Variants in PHACTR3 observed in about 807,000 individuals in gnomAD.
The protein encoded by PHACTR3 is phosphatase and actin regulator 3.
A neutral mutation model predicts 66.8 loss-of-function variants in PHACTR3; 16 were observed. The ratio of observed to expected loss-of-function variants is 0.24; its 90% CI spans 0.16 to 0.36. The LOEUF is 0.36. Ranked by LOEUF, PHACTR3 falls within the 10% of genes least tolerant of loss-of-function variation. The pLI, the probability that PHACTR3 is intolerant of heterozygous loss-of-function variation, is 1.00. For missense variants in PHACTR3, 647 were observed against 719.9 expected, an observed-to-expected ratio of 0.90 and a Z score of 1.16; for synonymous variants, 323 against 292.1, an observed-to-expected ratio of 1.11 and a Z score of -1.08.
intron 1 of PHACTR3, among the ~76,000 whole-genome samples, chr20:59,667,295 A>G (rs552369633): frequency 4.6e-5 from 7 of 152,342 alleles, no homozygotes; most frequent in African/African-American, 1.2e-4. Flanking sequence ...GGCTGGCCCA[A>G]TGAGCTGTGG....
intron 1 of PHACTR3, among the ~76,000 whole-genome samples, chr20:59,694,829 G>A (rs776460076): frequency 1.3e-5 from 2 of 152,164 alleles, no homozygotes; most frequent in African/African-American, 2.4e-5. Flanking sequence ...AGGGGGAAAT[G>A]CTGTGGGTCC....
chr20:59,579,832 G>C (rs1277854742), intron 1 of PHACTR3, among the ~76,000 whole-genome samples: 1 of 152,172 alleles, frequency 6.6e-6, no homozygotes. Context: ...ATGCCCTGTA[G>C]GTTTGGGGTC....
intron 4 of PHACTR3, among the ~76,000 whole-genome samples, chr20:59,756,837 A>G (rs2039813180): frequency 6.6e-6 from 1 of 151,990 alleles, no homozygotes; most frequent in Non-Finnish European, 1.5e-5. Context: ...CCACCAAGCA[A>G]TGGCAACAAA....
At position 59,830,885 on chromosome 20, in the gene PHACTR3, G is replaced by A. The variant is rs2042348708; in HGVS notation, c.1329-5620G>A. ...GTGCTGGGGCACCAGTGCTGACTGT[G>A]GAATAGACAGTTGACAGCCTCCACA... On this transcript the variant is annotated intron_variant, in intron 8 of 12. Transcript: ENST00000371015. This position sits in a 1 kb window ranked among gnomAD's most constrained non-coding sequence, Gnocchi z 5.8. Among the ~76,000 whole-genome samples the A allele has an allele frequency of 6.6e-6, 1 of 152,142 alleles. No homozygotes were observed. The highest frequency in any genetic ancestry group is 2.1e-4 in the South Asian group (1 of 4,828).
chr20:59,822,900 T>G (rs953408944), intron 8 of PHACTR3, among the ~76,000 whole-genome samples: 2 of 151,028 alleles, frequency 1.3e-5, no homozygotes, highest in African/African-American at 4.9e-5. Context: ...CAGGGAGGAG[T>G]GCATGGGAGT....
intron 11 of PHACTR3, among the ~76,000 whole-genome samples, chr20:59,842,844 T>G (rs2059089123): frequency 6.6e-6 from 1 of 152,084 alleles, no homozygotes; most frequent in Admixed American, 6.6e-5. Flanking sequence ...TTCAGCAAAT[T>G]AATGAATGGA....
chr20:59,838,996 C>G (rs920725829), intron 9 of PHACTR3, among the ~76,000 whole-genome samples: 7 of 151,818 alleles, frequency 4.6e-5, no homozygotes, highest in Non-Finnish European at 1.0e-4. Context: ...CTCCAAAGAC[C>G]CTGCTGGTGA....
chr20:59,842,446 G>A (rs1186189825), intron 11 of PHACTR3, among the ~76,000 whole-genome samples: 1 of 152,182 alleles, frequency 6.6e-6, no homozygotes, highest in Non-Finnish European at 1.5e-5. Context: ...GATGTGCCCA[G>A]AGGATCACAG....
intron 1 of PHACTR3, among the ~76,000 whole-genome samples, chr20:59,692,383 G>A (rs538113659): frequency 2.4e-4 from 37 of 152,292 alleles, no homozygotes; most frequent in Middle Eastern, 6.8e-3. Flanking sequence ...CTTATAAATA[G>A]CCTCAGGCCA....
intron 7 of PHACTR3, among the ~76,000 whole-genome samples, chr20:59,776,236 T>G (rs2040531474): frequency 6.9e-6 from 1 of 144,568 alleles, no homozygotes; most frequent in Non-Finnish European, 1.5e-5. Flanking sequence ...AAGAAAGGTT[T>G]TATCCTCACA....
At chr20:59,834,471 C>T (rs1028091099) in intron 8 of PHACTR3, among the ~76,000 whole-genome samples, 4 of 152,200 alleles carry the variant, frequency 2.6e-5, no homozygotes, top group African/African-American at 9.7e-5. Flanking sequence ...ACTCCAATTT[C>T]CTGATGATTT....
chr20:59,782,968 G>A (rs745371747), intron 7 of PHACTR3, among the ~76,000 whole-genome samples: 4 of 152,164 alleles, frequency 2.6e-5, no homozygotes, highest in South Asian at 2.1e-4. Context: ...TGCAGGCTCC[G>A]GGATCCTTTC....
intron 5 of PHACTR3, among the ~76,000 whole-genome samples, chr20:59,768,413 T>C (rs2040254082): frequency 6.6e-6 from 1 of 152,224 alleles, no homozygotes; most frequent in Non-Finnish European, 1.5e-5. Flanking sequence ...AGGCACGAGG[T>C]GCCCCATTTA....
chr20:59,584,650 G>C (rs939275744), intron 1 of PHACTR3, among the ~76,000 whole-genome samples: 1 of 152,126 alleles, frequency 6.6e-6, no homozygotes, highest in Non-Finnish European at 1.5e-5. Flanking sequence ...AGAGGCTTAG[G>C]AGGTCCTCCA....
chr20:59,634,324 C>T (rs556446461), intron 1 of PHACTR3, among the ~76,000 whole-genome samples: 3 of 152,354 alleles, frequency 2.0e-5, no homozygotes, highest in Admixed American at 6.5e-5. Context: ...TCTCCAACTC[C>T]GTTCCCTCCT....
At chr20:59,642,314 A>C (rs1228880959) in intron 1 of PHACTR3, among the ~76,000 whole-genome samples, 1 of 112,854 alleles carries the variant, frequency 8.9e-6, no homozygotes, top group African/African-American at 4.6e-5. Context: ...TTTCTTTTAG[A>C]CTTTTTTTTT....
intron 1 of PHACTR3, among the ~76,000 whole-genome samples, chr20:59,581,992 T>G (rs754103201): frequency 6.6e-6 from 1 of 152,164 alleles, no homozygotes; most frequent in Non-Finnish European, 1.5e-5. Context: ...GAAAAAAAAT[T>G]ACTCACTCAA....
At chr20:59,685,650 C>T (rs878897508) in intron 1 of PHACTR3, among the ~76,000 whole-genome samples, 1 of 152,214 alleles carries the variant, frequency 6.6e-6, no homozygotes, top group Admixed American at 6.5e-5. Flanking sequence ...GACCATCTCC[C>T]ACCTCAAGGT....
chr20:59,689,349 C>T (rs185535622), intron 1 of PHACTR3, among the ~76,000 whole-genome samples: 1 of 152,274 alleles, frequency 6.6e-6, no homozygotes, highest in East Asian at 1.9e-4. Context: ...GGTAGTGGGG[C>T]GACCCAGAAG....
Sources: gnomAD v4.1 joint callset for allele counts (sites outside exome capture counted in the v4.1 genomes callset) on GRCh38, gnomAD v4.1.1 for gene constraint, Gnocchi (gnomAD v3.1) non-coding constraint, MANE v1.5 for transcripts, NCBI Gene and HGNC (gene_info 2026-07-23, HGNC 2026-07-21) for gene names.